The following JCAD variants were observed in gnomAD, a reference collection of about 807,000 sequenced individuals.
The protein encoded by JCAD is junctional cadherin 5 associated.
In JCAD, 40 loss-of-function variants were observed where a neutral mutation model predicts 98.0. The observed-to-expected ratio is 0.41, with a 90% CI of 0.32 to 0.53. The LOEUF is 0.53. JCAD is among the 20% of genes least tolerant of loss of function. The pLI, the probability that JCAD is intolerant of heterozygous loss-of-function variation, is 0.31. For missense variants in JCAD, 1,705 were observed against 1,738.1 expected (o/e 0.98, Z 0.34); for synonymous variants, 691 against 682.3 (o/e 1.01, Z -0.20).
chr10:30,017,797 T>G lies in JCAD; in HGVS notation c.*86A>C. On this transcript the variant is annotated 3_prime_UTR_variant, in exon 4 of 4. Transcript: ENST00000375377. ...AACTCAGCAGCTTCCAGCTTCTACA[T>G]GGGGAAGTGGGGCTGATAGACTAAA... The G allele has an allele frequency of 2.4e-6, 3 of 1,226,080 alleles. No individual in the cohort carries two copies. Among genetic ancestry groups the G allele is most frequent in the Non-Finnish European group, 3.6e-6 (3 of 829,214 alleles). 76.0% of individuals were successfully genotyped at this position (1,226,080 alleles called of 1,614,324 possible). A position where few individuals can be genotyped will look rare whatever the true frequency, so the allele number is the denominator to read the frequency against.
At chr10:30,024,765 G>A (rs531226622) in intron 3 of JCAD, among the ~76,000 whole-genome samples, 1 of 145,172 alleles carries the variant, frequency 6.9e-6, no homozygotes, top group East Asian at 2.1e-4. Flanking sequence ...GCACAATCTC[G>A]GCTCACCACA....
intron 1 of JCAD, among the ~76,000 whole-genome samples, chr10:30,101,875 T>C (rs1838476638): frequency 6.6e-6 from 1 of 152,236 alleles, no homozygotes; most frequent in Non-Finnish European, 1.5e-5. Flanking sequence ...GTGTCTACTG[T>C]GGGCAAGGTT....
intron 1 of JCAD, among the ~76,000 whole-genome samples, chr10:30,049,879 G>A (rs779195057): frequency 5.3e-5 from 8 of 152,168 alleles, no homozygotes; most frequent in African/African-American, 1.4e-4. Context: ...AATACTTGTT[G>A]AGAAAATGCA....
chr10:30,067,589 A>G (rs561450829), intron 2 of JCAD, among the ~76,000 whole-genome samples: 155 of 152,042 alleles, frequency 1.0e-3, no homozygotes, highest in African/African-American at 3.6e-3. Flanking sequence ...TGGCCTCCCA[A>G]AGTGCTGGGA....
intron 2 of JCAD, 68 bp downstream of exon 2, chr10:30,047,464 T>C (rs1026888688): frequency 8.5e-6 from 13 of 1,526,960 alleles, no homozygotes; most frequent in Middle Eastern, 4.8e-4. Flanking sequence ...TGAAAGAGTT[T>C]ACCTACACAT....
intron 1 of JCAD, among the ~76,000 whole-genome samples, chr10:30,108,806 G>C (rs1000654975): frequency 8.7e-5 from 13 of 149,930 alleles, no homozygotes; most frequent in Admixed American, 8.7e-4. Flanking sequence ...CCATGGAAGA[G>C]AAAATCCCTG....
chr10:30,104,044 A>T (rs935974153), intron 1 of JCAD, among the ~76,000 whole-genome samples: 3 of 152,220 alleles, frequency 2.0e-5, no homozygotes, highest in Non-Finnish European at 4.4e-5. Flanking sequence ...TCTGGTTGGA[A>T]CTAGCCTGAA....
In JCAD at chr10:30,026,766, A is replaced by G. The variant is rs888470708; in HGVS notation, c.3382T>C (p.Leu1128=). 3.7e-6 allele frequency: 6 copies of G among 1,613,822 alleles called. No individual in the cohort carries two copies. Among genetic ancestry groups the G allele is most frequent in the Middle Eastern group, 1.7e-4 (1 of 6,060 alleles). ...TCTGCCGGTGCTGGGCGAGATAGCA[A>G]CTCTTCCTGGGGGGACTCTGGGGTG... ...ACTPESPQEE[L]LSRPAPADVP... is the part of the protein sequence containing the mutation. The change falls in exon 3 of 4, where the codon TTG becomes CTG. Residue 1128 remains leucine, a synonymous_variant. Transcript: ENST00000375377.
chr10:30,041,619 T>C (rs1255048569), intron 2 of JCAD, among the ~76,000 whole-genome samples: 7 of 152,200 alleles, frequency 4.6e-5, no homozygotes, highest in African/African-American at 1.7e-4. Context: ...CCTAGGTTGC[T>C]AAGTCTCTCA....
At chr10:30,019,437 C>G (rs2132601230) in intron 3 of JCAD, among the ~76,000 whole-genome samples, 1 of 148,458 alleles carries the variant, frequency 6.7e-6, no homozygotes, top group South Asian at 2.1e-4. Flanking sequence ...AAAAGATAAG[C>G]AAATCCTGCC....
At chr10:30,030,411 G>A (rs1223049288) in intron 2 of JCAD, among the ~76,000 whole-genome samples, 8 of 152,210 alleles carry the variant, frequency 5.3e-5, no homozygotes, top group East Asian at 3.9e-4. Context: ...ACTGCACTCC[G>A]GCCCGGGCAG....
intron 1 of JCAD, among the ~76,000 whole-genome samples, chr10:30,057,457 C>A (rs1837596454): frequency 6.6e-6 from 1 of 152,108 alleles, no homozygotes; most frequent in Admixed American, 6.6e-5. Flanking sequence ...AGCTGCCGAA[C>A]AATAGACCAC....
At chr10:30,018,080 CTA>C (rs1389458999) in intron 3 of JCAD, among the ~76,000 whole-genome samples, 163 bp from the exon 4 acceptor site, 1 of 152,104 alleles carries the variant, frequency 6.6e-6, no homozygotes. Context: ...GAGTAAAAAA[CTA>C]TTTGTCAAAA....
At chr10:30,037,483 T>A (rs1333167898) in intron 2 of JCAD, among the ~76,000 whole-genome samples, 1 of 152,238 alleles carries the variant, frequency 6.6e-6, no homozygotes, top group Non-Finnish European at 1.5e-5. Flanking sequence ...GCTGGCAGAA[T>A]GGTAACTAGA....
intron 2 of JCAD, among the ~76,000 whole-genome samples, chr10:30,044,552 G>C (rs1428460733): frequency 6.6e-6 from 1 of 152,182 alleles, no homozygotes; most frequent in Non-Finnish European, 1.5e-5. Flanking sequence ...GCCCAGCAGA[G>C]GTCACTGTGT....
chr10:30,014,892 T>G lies in JCAD; in HGVS notation c.*2991A>C, dbSNP rs1836503812. On this transcript the variant is annotated 3_prime_UTR_variant, in exon 4 of 4. Transcript: ENST00000375377. ...GAAACCAGGATCTCAAAGAACAGAT[T>G]CATGTTTTAGGGACTTTAAAAGAAG... 1 of 152,144 alleles carries G rather than the reference T, an allele frequency of 6.6e-6. No homozygotes were observed. The highest frequency in any genetic ancestry group is 1.5e-5 in the Non-Finnish European group (1 of 68,026). 9.4% of individuals were successfully genotyped at this position (152,144 alleles called of 1,614,324 possible).
chr10:30,085,444 G>T (rs1367412330), intron 1 of JCAD, among the ~76,000 whole-genome samples: 2 of 152,188 alleles, frequency 1.3e-5, no homozygotes, highest in African/African-American at 4.8e-5. Flanking sequence ...CTAGAGAGAA[G>T]ATATGCTGGA....
At chr10:30,074,445 C>A (rs1037165654) in intron 1 of JCAD, among the ~76,000 whole-genome samples, 1 of 152,188 alleles carries the variant, frequency 6.6e-6, no homozygotes, top group Non-Finnish European at 1.5e-5. Flanking sequence ...CCTCACAGAT[C>A]GGGGGTCATG....
chr10:30,104,596 G>A (rs1427244089), intron 1 of JCAD, among the ~76,000 whole-genome samples: 1 of 152,154 alleles, frequency 6.6e-6, no homozygotes, highest in Non-Finnish European at 1.5e-5. Context: ...GAGGGCAAGG[G>A]TTGAACAGCT....
Sources: allele counts gnomAD v4.1 joint callset (sites outside exome capture counted in the v4.1 genomes callset), GRCh38; gene constraint gnomAD v4.1.1; transcripts MANE v1.5; gene names NCBI Gene and HGNC (gene_info 2026-07-23, HGNC 2026-07-21).